Variants in NKAIN2 observed in about 807,000 individuals in gnomAD.
NKAIN2 encodes the protein sodium/potassium transporting ATPase interacting 2.
A neutral mutation model predicts 32.6 loss-of-function variants in NKAIN2; 14 were observed. The observed-to-expected ratio is 0.43, with a 90% CI of 0.28 to 0.67. NKAIN2 has a LOEUF of 0.67. Among genes scored for constraint, NKAIN2 ranks in the 30% least tolerant of loss-of-function variants. NKAIN2 has a pLI of 0.17. For synonymous variants in NKAIN2, 80 were observed against 87.2 expected (o/e 0.92, Z 0.46); for missense variants, 198 against 258.3 (o/e 0.77, Z 1.60).
At chr6:124,597,883 G>C (rs1181955403) in intron 3 of NKAIN2, among the ~76,000 whole-genome samples, 2 of 152,194 alleles carry the variant, frequency 1.3e-5, no homozygotes, top group Non-Finnish European at 2.9e-5. Context: ...TTTTAAAGAA[G>C]TGAAGTTATT....
intron 4 of NKAIN2, chr6:124,658,838 T>C (rs1784638405): frequency 5.2e-6 from 1 of 190,942 alleles, no homozygotes; most frequent in African/African-American, 2.3e-5. Flanking sequence ...CCTTCCTAGA[T>C]TTCTCCCAGG....
chr6:124,348,462 C>G (rs1175394701), intron 2 of NKAIN2, among the ~76,000 whole-genome samples: 2 of 152,220 alleles, frequency 1.3e-5, no homozygotes, highest in Non-Finnish European at 2.9e-5. Flanking sequence ...GCAGGCAGGC[C>G]TCCTTGAGCT....
chr6:124,008,505 A>G (rs201618807), intron 1 of NKAIN2, among the ~76,000 whole-genome samples: 1 of 151,994 alleles, frequency 6.6e-6, no homozygotes, highest in African/African-American at 2.4e-5. Flanking sequence ...CACCCTTGGT[A>G]AAAGGAAATG....
At chr6:124,062,142 C>T (rs1025244754) in intron 1 of NKAIN2, among the ~76,000 whole-genome samples, 23 of 152,120 alleles carry the variant, frequency 1.5e-4, no homozygotes, top group South Asian at 6.2e-4. Context: ...TAAGTATAAA[C>T]GTGAAATTTG....
At chr6:124,269,268 C>T (rs1001158787) in intron 1 of NKAIN2, among the ~76,000 whole-genome samples, 4 of 152,108 alleles carry the variant, frequency 2.6e-5, no homozygotes, top group African/African-American at 9.7e-5. Flanking sequence ...TTCAGAGCAG[C>T]ATCTCCGTAT....
intron 3 of NKAIN2, among the ~76,000 whole-genome samples, chr6:124,355,703 A>G (rs886739931): frequency 2.0e-5 from 3 of 152,174 alleles, no homozygotes; most frequent in Non-Finnish European, 2.9e-5. Flanking sequence ...TCTGCTAAAC[A>G]TTGTCCTTAT....
intron 1 of NKAIN2, among the ~76,000 whole-genome samples, chr6:124,115,728 T>C (rs1785578270): frequency 6.6e-6 from 1 of 152,104 alleles, no homozygotes; most frequent in Admixed American, 6.5e-5. Context: ...ACACCATCAG[T>C]TACACCATAT....
intron 1 of NKAIN2, among the ~76,000 whole-genome samples, chr6:123,880,999 G>A (rs1182950689): frequency 1.3e-5 from 2 of 152,148 alleles, no homozygotes; most frequent in Non-Finnish European, 2.9e-5. Context: ...CTGTGAGCAA[G>A]AAAAAAGCTT....
intron 1 of NKAIN2, among the ~76,000 whole-genome samples, chr6:123,959,925 A>ATATGTG (rs1184463469): frequency 7.1e-6 from 1 of 141,270 alleles, no homozygotes; most frequent in Non-Finnish European, 1.5e-5. Flanking sequence ...TCTTCCATAT[A>ATATGTG]TGTGTGTGTG....
At position 124,718,838 on chromosome 6, in the gene NKAIN2, A is replaced by G. The variant is rs1362978423; in HGVS notation, c.474+60452A>G. On this transcript the variant is annotated intron_variant, in intron 4 of 6. Coordinates refer to ENST00000368417, the MANE Select transcript of NKAIN2 (RefSeq NM_001040214.3). ...GTCTATCTTCACAGCCACCTTAGAGATGGCAGATTTGGAGTGCTTCCTTTC... is the reference window on the plus strand; with the variant it reads ...GTCTATCTTCACAGCCACCTTAGAGGTGGCAGATTTGGAGTGCTTCCTTTC... 3.9e-5 allele frequency among the ~76,000 whole-genome samples: 6 copies of G among 152,150 alleles called. No homozygotes were observed. The South Asian group carries it at 1.0e-3, about 26-fold the overall frequency.
chr6:123,880,670 CAGTT>C (rs1362517309), intron 1 of NKAIN2, among the ~76,000 whole-genome samples: 6 of 152,094 alleles, frequency 3.9e-5, no homozygotes, highest in African/African-American at 1.2e-4. Context: ...TTAAAACTAC[CAGTT>C]AGTTAGAACT....
chr6:124,298,586 T>C (rs1451955869), intron 2 of NKAIN2, among the ~76,000 whole-genome samples: 1 of 152,178 alleles, frequency 6.6e-6, no homozygotes, highest in Non-Finnish European at 1.5e-5. Context: ...TGGGTTATTG[T>C]CTACACTCAG....
chr6:124,740,875 C>G (rs1361437005), intron 4 of NKAIN2, among the ~76,000 whole-genome samples: 1 of 151,764 alleles, frequency 6.6e-6, no homozygotes, highest in Non-Finnish European at 1.5e-5. Context: ...GGACTTTGAG[C>G]TATTGTGCAA....
At chr6:124,133,456 C>A (rs982243190) in intron 1 of NKAIN2, among the ~76,000 whole-genome samples, 2 of 152,150 alleles carry the variant, frequency 1.3e-5, no homozygotes, top group Non-Finnish European at 2.9e-5. Flanking sequence ...CTCCCCCAGC[C>A]ACCCTGCTCA....
At chr6:124,302,597 A>G (rs1796333133) in intron 2 of NKAIN2, among the ~76,000 whole-genome samples, 1 of 152,178 alleles carries the variant, frequency 6.6e-6, no homozygotes, top group Non-Finnish European at 1.5e-5. Flanking sequence ...TAAGTTTCTT[A>G]TATTATCTTC....
At chr6:123,963,261 A>C (rs1347374113) in intron 1 of NKAIN2, among the ~76,000 whole-genome samples, 1 of 152,106 alleles carries the variant, frequency 6.6e-6, no homozygotes, top group Non-Finnish European at 1.5e-5. Flanking sequence ...GGAGTGATGA[A>C]ATAAAAGAGG....
chr6:124,707,460 G>A (rs1343377487), intron 4 of NKAIN2, among the ~76,000 whole-genome samples: 1 of 150,034 alleles, frequency 6.7e-6, no homozygotes, highest in East Asian at 1.9e-4. Flanking sequence ...CCCACCAACA[G>A]TGTAAAGGTG....
intron 3 of NKAIN2, among the ~76,000 whole-genome samples, chr6:124,542,992 C>T (rs1779964722): frequency 6.6e-6 from 1 of 152,140 alleles, no homozygotes; most frequent in Non-Finnish European, 1.5e-5. Flanking sequence ...GGTCCCCTTT[C>T]TGTAAGTATT....
intron 1 of NKAIN2, among the ~76,000 whole-genome samples, chr6:124,075,431 T>C (rs1383218845): frequency 6.6e-6 from 1 of 152,160 alleles, no homozygotes; most frequent in Non-Finnish European, 1.5e-5. Context: ...TTTTCAGAAA[T>C]CTCTGAAATC....
Sources: gnomAD v4.1 joint callset for allele counts (sites outside exome capture counted in the v4.1 genomes callset) on GRCh38, gnomAD v4.1.1 for gene constraint, MANE v1.5 for transcripts, NCBI Gene and HGNC (gene_info 2026-07-23, HGNC 2026-07-21) for gene names.